NAP1L1: variants seen among roughly 807,000 people sequenced by gnomAD.
NAP1L1 encodes the protein nucleosome assembly protein 1-like 1.
In NAP1L1, 9 loss-of-function variants were observed where a neutral mutation model predicts 58.9. The ratio of observed to expected loss-of-function variants is 0.15; its 90% confidence interval spans 0.09 to 0.27. NAP1L1 has a LOEUF of 0.27. Ranked by LOEUF, NAP1L1 falls within the 10% of genes least tolerant of loss-of-function variation. The pLI, the probability that NAP1L1 is intolerant of heterozygous loss-of-function variation, is 1.00. For missense variants in NAP1L1, 302 were observed against 458.8 expected (o/e 0.66, Z 3.12); for synonymous variants, 130 against 138.3 (o/e 0.94, Z 0.42).
intron 11 of NAP1L1, among the ~76,000 whole-genome samples, chr12:76,052,344 C>T (rs956191147): frequency 1.3e-5 from 2 of 152,136 alleles, no homozygotes; most frequent in Non-Finnish European, 2.9e-5. Context: ...TATCTTAATA[C>T]TTAAAGTAGT....
At position 76,056,172 on chromosome 12, in the gene NAP1L1, T is replaced by C; in HGVS notation, c.430-11A>G. ...TTCTTTCAATTCCTCCTTGATTAAG[T>C]GACAGCAAACATTATTTAATACATA... is the stretch of plus-strand genomic sequence containing the variant. On this transcript the variant is annotated splice_polypyrimidine_tract_variant and intron_variant, in intron 6 of 14. Transcript: ENST00000618691. 6.2e-7 allele frequency: 1 copy of C among 1,607,156 alleles called. No individual in the cohort carries two copies. Among genetic ancestry groups the C allele is most frequent in the South Asian group, 1.1e-5 (1 of 89,926 alleles).
At chr12:76,064,650 T>G (rs1201858260) in intron 4 of NAP1L1, among the ~76,000 whole-genome samples, 2 of 152,040 alleles carry the variant, frequency 1.3e-5, no homozygotes, top group Non-Finnish European at 2.9e-5. Flanking sequence ...CCAGCAGAAT[T>G]AAGATGCAAA....
Position 76,063,833 on chromosome 12 carries a change from A to G in NAP1L1, c.206+3538T>C, listed in dbSNP as rs560397136. On this transcript the variant is annotated intron_variant, in intron 4 of 14. Transcript: ENST00000618691. ...CAGCAAACACTGATACTAGAGGAAG[A>G]CACACAGATGAAAAGATGGAAAAAA... Among the ~76,000 whole-genome samples, 3 of 151,244 alleles carry G rather than the reference A, an allele frequency of 2.0e-5. No homozygotes were observed. The South Asian group carries it at 6.3e-4, about 32-fold the overall frequency.
rs929478088 is a variant in NAP1L1 at position 76,042,460 on chromosome 12, G to A, written c.*5969C>T. ...TTCTCACACATATCCATTAAAATTT[G>A]GTAGCAGAGACATTTGTTTAGGGGC... On this transcript the variant is annotated 3_prime_UTR_variant, in exon 15 of 15. Coordinates refer to ENST00000618691, the MANE Select transcript of NAP1L1 (RefSeq NM_004537.7). The A allele has an allele frequency of 6.6e-6, 1 of 152,082 alleles. No homozygotes were observed. The highest frequency in any genetic ancestry group is 1.5e-5 in the Non-Finnish European group (1 of 68,024). 9.4% of individuals were successfully genotyped at this position (152,082 alleles called of 1,614,324 possible). A position where few individuals can be genotyped will look rare whatever the true frequency, so the allele number is the denominator to read the frequency against.
chr12:76,071,868 A>G (rs1231323015), intron 2 of NAP1L1, among the ~76,000 whole-genome samples: 8 of 152,004 alleles, frequency 5.3e-5, no homozygotes, highest in African/African-American at 2.4e-5. Flanking sequence ...ACACATTAGA[A>G]TGCTAAATGT....
rs147392418 is a variant in NAP1L1, at chr12:76,073,562, T to A, written c.17+641A>T. On this transcript the variant is annotated intron_variant, in intron 2 of 14. Coordinates refer to ENST00000618691, the MANE Select transcript of NAP1L1 (RefSeq NM_004537.7). ...TGACCCAGATAGTCTTTCTTCCTTGTTATCCTATCTTATAGCCTTCAATTA... is the reference window on the plus strand; with the variant it reads ...TGACCCAGATAGTCTTTCTTCCTTGATATCCTATCTTATAGCCTTCAATTA... 4.3e-4 allele frequency among the ~76,000 whole-genome samples: 66 copies of A among 152,340 alleles called. 1 individual carries two copies. The East Asian group carries it at 0.012, about 27-fold the overall frequency.
intron 1 of NAP1L1, among the ~76,000 whole-genome samples, chr12:76,078,299 G>C (rs1950274997): frequency 6.6e-6 from 1 of 151,904 alleles, no homozygotes; most frequent in Non-Finnish European, 1.5e-5. Context: ...TCATTCTCCT[G>C]GACAAACAGC....
chr12:76,050,432 T>A, intron 12 of NAP1L1, 99 bp downstream of exon 12: 1 of 1,407,662 alleles, frequency 7.1e-7, no homozygotes, highest in Admixed American at 2.6e-5. Context: ...TTTTGAATTA[T>A]ATTATGTCCT....
rs1948618561 is a variant in NAP1L1, at chr12:76,046,862, C to CA, written c.*1566dup. On this transcript the variant is annotated 3_prime_UTR_variant, in exon 15 of 15. Transcript: ENST00000618691. ...TCTGAAATTTAATGGCATCTTTTGT[C>CA]AAAAATAGTCTTATTTCCACTTTAA... is the stretch of plus-strand genomic sequence containing the variant. 1 of 152,372 alleles carries CA rather than the reference C, an allele frequency of 6.6e-6. No individual in the cohort carries two copies. Among genetic ancestry groups the CA allele is most frequent in the Non-Finnish European group, 1.5e-5 (1 of 67,914 alleles). 9.4% of individuals were successfully genotyped at this position (152,372 alleles called of 1,614,324 possible).
intron 6 of NAP1L1, chr12:76,059,573 T>C: frequency 2.2e-6 from 1 of 448,310 alleles, no homozygotes; most frequent in South Asian, 3.0e-5. Flanking sequence ...TTAAGAAACT[T>C]AGAACCCATG....
intron 4 of NAP1L1, among the ~76,000 whole-genome samples, chr12:76,062,736 T>C (rs1565730498): frequency 6.6e-6 from 1 of 152,154 alleles, no homozygotes; most frequent in Non-Finnish European, 1.5e-5. Flanking sequence ...AGCTCTGAGA[T>C]ATGGACGACA....
At chr12:76,083,532 C>T (rs1841572636) in intron 1 of NAP1L1, among the ~76,000 whole-genome samples, 1 of 150,670 alleles carries the variant, frequency 6.6e-6, no homozygotes, top group Non-Finnish European at 1.5e-5. Flanking sequence ...TTAAAGCCGT[C>T]CTGGGCCGCG....
intron 12 of NAP1L1, 33 bp from the exon 13 acceptor site, chr12:76,049,818 G>C (rs1045872540): frequency 6.8e-6 from 11 of 1,609,724 alleles, no homozygotes; most frequent in South Asian, 6.6e-5. Flanking sequence ...AGTGTTGAGT[G>C]AATGTAACAC....
intron 14 of NAP1L1, chr12:76,048,986 C>T (rs1039482565): frequency 2.5e-5 from 14 of 551,220 alleles, no homozygotes; most frequent in African/African-American, 7.6e-5. Context: ...ATAAAAAGCA[C>T]GAAGTCCAAA....
intron 3 of NAP1L1, among the ~76,000 whole-genome samples, chr12:76,068,293 A>T (rs907991804): frequency 6.6e-5 from 10 of 152,156 alleles, no homozygotes; most frequent in Admixed American, 3.9e-4. Context: ...AAATGTTACT[A>T]AACAAAAGCT....
intron 1 of NAP1L1, among the ~76,000 whole-genome samples, chr12:76,076,303 A>G (rs1950165848): frequency 6.6e-6 from 1 of 152,128 alleles, no homozygotes; most frequent in Non-Finnish European, 1.5e-5. Flanking sequence ...ATTATAAATT[A>G]GTTTGACCTA....
intron 6 of NAP1L1, chr12:76,056,573 C>T (rs534093469): frequency 2.2e-6 from 1 of 455,108 alleles, no homozygotes; most frequent in Non-Finnish European, 4.4e-6. Flanking sequence ...GAACACTTAA[C>T]ACAGCACTGA....
intron 4 of NAP1L1, among the ~76,000 whole-genome samples, chr12:76,067,006 AGT>A (rs1491471909): frequency 6.6e-5 from 10 of 152,010 alleles, no homozygotes; most frequent in African/African-American, 2.2e-4. Flanking sequence ...ATCACAAAAA[AGT>A]TTTTTAAATG....
chr12:76,066,472 T>C (rs568911782), intron 4 of NAP1L1, among the ~76,000 whole-genome samples: 1 of 151,842 alleles, frequency 6.6e-6, no homozygotes, highest in Non-Finnish European at 1.5e-5. Flanking sequence ...TTGCAAAGCA[T>C]TAAAAAAAAG....
Sources: allele counts gnomAD v4.1 joint callset (sites outside exome capture counted in the v4.1 genomes callset), GRCh38; gene constraint gnomAD v4.1.1; transcripts MANE v1.5; gene names NCBI Gene and HGNC (gene_info 2026-07-23, HGNC 2026-07-21).